MAP4K5: variants seen among roughly 807,000 people sequenced by gnomAD.
MAP4K5 encodes MAPK/ERK kinase kinase kinase 5.
Under a neutral mutation model 135.6 loss-of-function variants are expected in MAP4K5, and 82 were observed. That is an observed-to-expected ratio of 0.60 (90% CI 0.51 to 0.73). The LOEUF (loss-of-function observed/expected upper bound fraction) is 0.73, where lower values mean the gene tolerates loss of function less well. Among genes scored for constraint, MAP4K5 ranks in the 30% least tolerant of loss-of-function variants. The pLI is 0.00. For missense variants in MAP4K5, 907 were observed against 1,010.9 expected, an observed-to-expected ratio of 0.90 and a Z score of 1.39; for synonymous variants, 347 against 335.0, an observed-to-expected ratio of 1.04 and a Z score of -0.39.
intron 3 of MAP4K5, among the ~76,000 whole-genome samples, chr14:50,500,093 T>C (rs1342998425): frequency 1.3e-5 from 2 of 152,224 alleles, no homozygotes; most frequent in African/African-American, 4.8e-5. Context: ...GAAAGACATC[T>C]GTAATATTCT....
At chr14:50,460,157 A>G (rs1374999577) in intron 13 of MAP4K5, among the ~76,000 whole-genome samples, 3 of 152,148 alleles carry the variant, frequency 2.0e-5, no homozygotes, top group South Asian at 2.1e-4. Context: ...TCACTTCTAC[A>G]GTAGTGAGTT....
chr14:50,451,463 A>C (rs193234886), intron 14 of MAP4K5, among the ~76,000 whole-genome samples: 3 of 152,324 alleles, frequency 2.0e-5, no homozygotes, highest in African/African-American at 7.2e-5. Context: ...CAGATCTAAG[A>C]GGCTCAATCA....
chr14:50,461,697 G>A (rs1722026793), intron 13 of MAP4K5, among the ~76,000 whole-genome samples: 1 of 152,052 alleles, frequency 6.6e-6, no homozygotes, highest in Non-Finnish European at 1.5e-5. Flanking sequence ...GAGGCAGGTG[G>A]ATCATGATGT....
chr14:50,489,240 C>T (rs1247022151), intron 3 of MAP4K5, among the ~76,000 whole-genome samples: 3 of 152,162 alleles, frequency 2.0e-5, no homozygotes, highest in Admixed American at 2.0e-4. Flanking sequence ...CCCAGCTACT[C>T]AGGAGGCTGA....
chr14:50,491,611 C>T (rs553625427), intron 3 of MAP4K5, among the ~76,000 whole-genome samples: 43 of 152,072 alleles, frequency 2.8e-4, no homozygotes, highest in Admixed American at 2.4e-3. Flanking sequence ...ATCTCTTAAA[C>T]TCCTAAAACT....
At chr14:50,438,220 T>C (rs1055544445) in intron 23 of MAP4K5, 126 bp from the exon 24 acceptor site, 1 of 524,182 alleles carries the variant, frequency 1.9e-6, no homozygotes, top group Non-Finnish European at 3.4e-6. Flanking sequence ...CAGATAATTT[T>C]AATTCAGAAT....
chr14:50,475,194 C>G, intron 8 of MAP4K5, 45 bp from the exon 9 acceptor site: 2 of 1,416,698 alleles, frequency 1.4e-6, no homozygotes, highest in Non-Finnish European at 2.0e-6. Flanking sequence ...TACAATACAC[C>G]AAACAACATT....
At chr14:50,439,915 T>C (rs1011213450) in intron 23 of MAP4K5, 98 bp downstream of exon 23, 17 of 1,193,070 alleles carry the variant, frequency 1.4e-5, no homozygotes, top group Non-Finnish European at 2.0e-5. Flanking sequence ...TATTAGATTA[T>C]AGTCATCCAG....
chr14:50,428,339 T>G (rs950350787), intron 30 of MAP4K5, among the ~76,000 whole-genome samples: 2 of 152,056 alleles, frequency 1.3e-5, no homozygotes, highest in South Asian at 4.1e-4. Context: ...CACTGCAACC[T>G]CCGCCTCGCG....
At chr14:50,549,491 G>A (rs1457139783) in intron 1 of MAP4K5, among the ~76,000 whole-genome samples, 2 of 152,178 alleles carry the variant, frequency 1.3e-5, no homozygotes, top group East Asian at 1.9e-4. Context: ...CTGTGCCCTG[G>A]AATGGTGGGG....
chr14:50,454,284 T>A (rs1057493905), intron 14 of MAP4K5, among the ~76,000 whole-genome samples: 1 of 152,144 alleles, frequency 6.6e-6, no homozygotes, highest in African/African-American at 2.4e-5. Flanking sequence ...GTATAGAATT[T>A]AAGAAAACTG....
chr14:50,483,841 T>C (rs1239256447), intron 5 of MAP4K5, among the ~76,000 whole-genome samples: 2 of 30,892 alleles, frequency 6.5e-5, no homozygotes, highest in Non-Finnish European at 1.2e-4. Flanking sequence ...CAATTCCATT[T>C]ATTTATTTAT....
Position 50,429,125 on chromosome 14 carries a change from T to C in MAP4K5, c.2233+67A>G, listed in dbSNP as rs537064658. On this transcript the variant is annotated intron_variant, in intron 29 of 32. Coordinates refer to ENST00000682126, the MANE Select transcript of MAP4K5 (RefSeq NM_006575.6). ...AAACAGTAAAAATCTTGAATTATGG[T>C]TTAACAGAATAAAAAAATTGCTTTA... 21 of 880,080 alleles carry C rather than the reference T, an allele frequency of 2.4e-5. 1 individual carries two copies. The highest frequency in any genetic ancestry group is 1.6e-4 in the African/African-American group (9 of 57,202). The allele number at this position is 880,080 out of a possible 1,614,324, so 54.5% of individuals were successfully genotyped here.
rs193038412 is a variant in MAP4K5, at chr14:50,445,744, A to G, written c.1185+335T>C. ...GCCACCATGCCCAGCTAATTTTTGT[A>G]TTTTTAGTAGAGAGGGTTTCACCAC... On this transcript the variant is annotated intron_variant, in intron 17 of 32. Coordinates refer to ENST00000682126, the MANE Select transcript of MAP4K5 (RefSeq NM_006575.6). 6.8e-4 allele frequency among the ~76,000 whole-genome samples: 104 copies of G among 152,114 alleles called. 1 individual carries two copies. Among genetic ancestry groups the G allele is most frequent in the African/African-American group, 2.3e-3 (97 of 41,506 alleles).
chr14:50,559,140 G>A (rs2038801108), intron 1 of MAP4K5: 1 of 152,248 alleles, frequency 6.6e-6, no homozygotes, highest in Admixed American at 6.5e-5. Context: ...CCTGTCTGAA[G>A]CCATCATAGT....
chr14:50,478,152 T>C (rs908283940), intron 6 of MAP4K5, among the ~76,000 whole-genome samples: 18 of 152,188 alleles, frequency 1.2e-4, no homozygotes, highest in African/African-American at 4.3e-4. Flanking sequence ...GCTTTGGTAG[T>C]TTGTATCTCT....
Position 50,429,878 on chromosome 14 carries a change from A to G in MAP4K5, c.2165-618T>C, listed in dbSNP as rs193157339. Among the ~76,000 whole-genome samples, 716 of 152,318 alleles carry G rather than the reference A, an allele frequency of 4.7e-3. 8 individuals are homozygous for G. Among genetic ancestry groups the G allele is most frequent in the African/African-American group, 0.016 (685 of 41,582 alleles). On this transcript the variant is annotated intron_variant, in intron 28 of 32. Coordinates refer to ENST00000682126, the MANE Select transcript of MAP4K5 (RefSeq NM_006575.6). ...TGATATTTAAAGGGCTGCTTCTAACATCTGCTGATAGATGTAATAACATTA... is the reference window on the plus strand; with the variant it reads ...TGATATTTAAAGGGCTGCTTCTAACGTCTGCTGATAGATGTAATAACATTA...
rs950801538 is a variant in MAP4K5 at position 50,532,483 on chromosome 14, C to G, written c.-145G>C. On this transcript the variant is annotated 5_prime_UTR_variant, in exon 1 of 33. Coordinates refer to ENST00000682126, the MANE Select transcript of MAP4K5 (RefSeq NM_006575.6). ...GCACCCGCGTCCTCCTCCCGCGCGC[C>G]GGCCGGCAGCTCCGGGTTTGCCGTC... 6.5e-6 allele frequency: 1 copy of G among 153,040 alleles called. No individual in the cohort carries two copies. 9.5% of individuals were successfully genotyped at this position (153,040 alleles called of 1,614,324 possible).
intron 1 of MAP4K5, among the ~76,000 whole-genome samples, chr14:50,555,566 G>A (rs1039468027): frequency 2.6e-5 from 4 of 152,226 alleles, no homozygotes; most frequent in African/African-American, 9.6e-5. Flanking sequence ...TTACAGGCAT[G>A]AGCCACCGTG....
Sources: allele counts gnomAD v4.1 joint callset (sites outside exome capture counted in the v4.1 genomes callset), GRCh38; gene constraint gnomAD v4.1.1; transcripts MANE v1.5; gene names NCBI Gene and HGNC (gene_info 2026-07-23, HGNC 2026-07-21).